The following RABGAP1L variants were observed in gnomAD, a reference collection of about 807,000 sequenced individuals.
RABGAP1L encodes the protein RAB GTPase activating protein 1 like, also known as rab GTPase-activating protein 1-like.
A neutral mutation model predicts 137.7 loss-of-function variants in RABGAP1L; 63 were observed. That is an observed-to-expected ratio of 0.46 (90% confidence interval 0.37 to 0.56). RABGAP1L has a LOEUF of 0.56. Among genes scored for constraint, RABGAP1L ranks in the 20% least tolerant of loss-of-function variants. The pLI is 0.00. For missense variants in RABGAP1L, 1,095 were observed against 1,244.0 expected, an observed-to-expected ratio of 0.88 and a Z score of 1.80; for synonymous variants, 431 against 433.7, an observed-to-expected ratio of 0.99 and a Z score of 0.08.
At chr1:174,225,689 CT>C (rs920392781) in intron 3 of RABGAP1L, among the ~76,000 whole-genome samples, 13 of 152,060 alleles carry the variant, frequency 8.5e-5, no homozygotes, top group African/African-American at 2.9e-4. Context: ...CAGCTCTCTC[CT>C]CTCTGAGATT....
chr1:174,925,341 C>T (rs1463855851), intron 19 of RABGAP1L, among the ~76,000 whole-genome samples: 2 of 119,560 alleles, frequency 1.7e-5, no homozygotes, highest in African/African-American at 3.2e-5. Context: ...GAGCGAGACT[C>T]GAGACTCCGT....
chr1:174,717,197 A>G lies in RABGAP1L; in HGVS notation c.2169+14941A>G, dbSNP rs1447864363. 2.6e-5 allele frequency among the ~76,000 whole-genome samples: 4 copies of G among 152,264 alleles called. No homozygotes were observed. In the South Asian group the frequency reaches 6.2e-4, roughly 24 times the overall value. On this transcript the variant is annotated intron_variant, in intron 17 of 25. Coordinates refer to ENST00000681986, the MANE Select transcript of RABGAP1L (RefSeq NM_001366446.1). ...GGCTGAGGTGGGATGATCATTTGAAATCAGGAGGCTGAGACCAGCCTGATC... is the reference window on the plus strand; with the variant it reads ...GGCTGAGGTGGGATGATCATTTGAAGTCAGGAGGCTGAGACCAGCCTGATC...
intron 13 of RABGAP1L, among the ~76,000 whole-genome samples, chr1:174,503,569 G>C (rs1187585262): frequency 2.7e-5 from 4 of 148,276 alleles, no homozygotes. Flanking sequence ...GCTGAGGCAG[G>C]AGAATTGCCT....
intron 19 of RABGAP1L, among the ~76,000 whole-genome samples, chr1:174,867,458 T>C (rs1045944442): frequency 2.0e-5 from 3 of 152,148 alleles, no homozygotes; most frequent in Non-Finnish European, 4.4e-5. Context: ...AAGAGAAATA[T>C]AGAGTCTACC....
chr1:174,163,112 C>T (rs1005602782), intron 1 of RABGAP1L, among the ~76,000 whole-genome samples: 1 of 152,162 alleles, frequency 6.6e-6, no homozygotes, highest in Non-Finnish European at 1.5e-5. Context: ...GGAGAAAGTA[C>T]GGACTTGAGC....
intron 4 of RABGAP1L, among the ~76,000 whole-genome samples, chr1:174,232,521 A>G (rs557433378): frequency 1.5e-4 from 22 of 150,720 alleles, no homozygotes; most frequent in African/African-American, 4.9e-4. Flanking sequence ...CGGTGGCTCA[A>G]GCCTGTAATC....
chr1:174,891,489 G>T (rs1323585607), intron 19 of RABGAP1L, among the ~76,000 whole-genome samples: 1 of 152,068 alleles, frequency 6.6e-6, no homozygotes, highest in East Asian at 1.9e-4. Context: ...AGTCCCTAAA[G>T]ATTTTTCTTG....
At chr1:174,927,981 C>T (rs1663118958) in intron 19 of RABGAP1L, among the ~76,000 whole-genome samples, 2 of 152,124 alleles carry the variant, frequency 1.3e-5, no homozygotes, top group African/African-American at 4.8e-5. Flanking sequence ...CCTGCAAGAG[C>T]AGAAAATTCC....
chr1:174,668,352 A>T (rs997780814), intron 14 of RABGAP1L, among the ~76,000 whole-genome samples: 4 of 152,124 alleles, frequency 2.6e-5, no homozygotes, highest in African/African-American at 9.7e-5. Context: ...TATGAGTAAG[A>T]TCATGTGGTA....
chr1:174,413,120 C>T (rs2149136146), intron 13 of RABGAP1L, among the ~76,000 whole-genome samples: 1 of 152,216 alleles, frequency 6.6e-6, no homozygotes, highest in African/African-American at 2.4e-5. Flanking sequence ...GGTCATTTTA[C>T]ATAATCCTAT....
At chr1:174,598,879 T>C (rs1341636674) in intron 13 of RABGAP1L, among the ~76,000 whole-genome samples, 2 of 152,096 alleles carry the variant, frequency 1.3e-5, no homozygotes, top group Non-Finnish European at 2.9e-5. Context: ...TTTCTTTTGA[T>C]TGGAGACTTT....
chr1:174,278,183 A>C (rs769267883), intron 9 of RABGAP1L, among the ~76,000 whole-genome samples: 15 of 152,154 alleles, frequency 9.9e-5, no homozygotes, highest in Non-Finnish European at 1.8e-4. Flanking sequence ...GGGGTGGATC[A>C]CCAGAGGTCA....
intron 14 of RABGAP1L, among the ~76,000 whole-genome samples, chr1:174,657,267 A>G (rs1174119162): frequency 6.6e-6 from 1 of 152,184 alleles, no homozygotes; most frequent in Non-Finnish European, 1.5e-5. Flanking sequence ...AATATTCAAT[A>G]TCTTCCTTCC....
At chr1:174,264,887 CA>C (rs1381986692) in intron 7 of RABGAP1L, among the ~76,000 whole-genome samples, 2 of 151,700 alleles carry the variant, frequency 1.3e-5, no homozygotes, top group East Asian at 1.9e-4. Context: ...ATAGGAACTC[CA>C]AGTCTAATCA....
intron 14 of RABGAP1L, among the ~76,000 whole-genome samples, chr1:174,677,667 A>T (rs16847328): frequency 0.017 from 2,610 of 152,296 alleles, 66 homozygotes; most frequent in African/African-American, 0.06. Context: ...GCTGAACTCT[A>T]TTGGGTTGAC....
chr1:174,509,200 A>C (rs942400149), intron 13 of RABGAP1L, among the ~76,000 whole-genome samples: 1 of 152,194 alleles, frequency 6.6e-6, no homozygotes, highest in Non-Finnish European at 1.5e-5. Flanking sequence ...CGTACATTCA[A>C]ATAAAATCTG....
chr1:174,931,758 G>C (rs896258119), intron 19 of RABGAP1L, among the ~76,000 whole-genome samples: 4 of 151,890 alleles, frequency 2.6e-5, no homozygotes, highest in African/African-American at 9.7e-5. Context: ...TTATACCAGA[G>C]GTCTTTGTTA....
chr1:174,716,453 C>T (rs553280722), intron 17 of RABGAP1L, among the ~76,000 whole-genome samples: 7 of 152,274 alleles, frequency 4.6e-5, no homozygotes, highest in South Asian at 4.1e-4. Flanking sequence ...AGCTGTTTGG[C>T]ATTTTTAACC....
chr1:174,238,457 T>C (rs1671425752), intron 4 of RABGAP1L, among the ~76,000 whole-genome samples: 1 of 152,142 alleles, frequency 6.6e-6, no homozygotes, highest in South Asian at 2.1e-4. Context: ...GGTGTGGATG[T>C]CCTTTCTGTT....
Sources: gnomAD v4.1 joint callset for allele counts (sites outside exome capture counted in the v4.1 genomes callset) on GRCh38, gnomAD v4.1.1 for gene constraint, MANE v1.5 for transcripts, NCBI Gene and HGNC (gene_info 2026-07-23, HGNC 2026-07-21) for gene names.